The following TENM3 variants were observed in gnomAD, a reference collection of about 807,000 sequenced individuals.
The protein encoded by TENM3 is teneurin-3.
In TENM3, 63 loss-of-function variants were observed where a neutral mutation model predicts 255.1. The ratio of observed to expected loss-of-function variants is 0.25; its 90% confidence interval spans 0.20 to 0.30. The LOEUF (loss-of-function observed/expected upper bound fraction) is 0.30, where lower values mean the gene tolerates loss of function less well. TENM3 is among the 10% of genes least tolerant of loss of function. The probability of loss-of-function intolerance (pLI) is 1.00; values close to 1 mark genes in which losing one functional copy is unlikely to be tolerated. For synonymous variants in TENM3, 1,306 were observed against 1,322.3 expected, an observed-to-expected ratio of 0.99 and a Z score of 0.27; for missense variants, 2,929 against 3,461.1, an observed-to-expected ratio of 0.85 and a Z score of 3.86.
chr4:182,435,641 G>T (rs549557300), intron 3 of TENM3, among the ~76,000 whole-genome samples: 3 of 152,344 alleles, frequency 2.0e-5, no homozygotes, highest in Admixed American at 6.5e-5. Context: ...AGGCCCAGAA[G>T]GAGCAGCTGC....
At chr4:181,618,417 A>G in the TENM3 span, among the ~76,000 whole-genome samples, 4,787 of 152,326 alleles carry the variant, frequency 0.031, 251 homozygotes, top group African/African-American at 0.11. Context: ...AAGGCAGTCA[A>G]GGGTATTAGC....
At chr4:181,851,241 C>T in the TENM3 span, among the ~76,000 whole-genome samples, 1 of 152,220 alleles carries the variant, frequency 6.6e-6, no homozygotes, top group Admixed American at 6.5e-5. Flanking sequence ...GGCAAACCCA[C>T]CTACTTGCAG....
Position 182,363,078 on chromosome 4 carries a change from G to A in TENM3, c.511+16149G>A, listed in dbSNP as rs191509041. ...GACCATGTCATCAGAAGCTTTGGAG[G>A]AGCAGTACATTCTTATCCAAAATTG... On this transcript the variant is annotated intron_variant, in intron 3 of 27. Coordinates refer to ENST00000511685, the MANE Select transcript of TENM3 (RefSeq NM_001080477.4). Among the ~76,000 whole-genome samples, 1,145 of 152,206 alleles carry A rather than the reference G, an allele frequency of 7.5e-3. 5 individuals carry two copies. Among genetic ancestry groups the A allele is most frequent in the Non-Finnish European group, 0.013 (868 of 68,002 alleles).
intron 3 of TENM3, among the ~76,000 whole-genome samples, chr4:182,557,829 A>AAC (rs1156715403): frequency 1.3e-5 from 2 of 152,128 alleles, no homozygotes; most frequent in Non-Finnish European, 2.9e-5. Flanking sequence ...GTGCCTCAGA[A>AAC]ACACTTTTAC....
rs186422819 is a variant in TENM3 at position 182,777,407 on chromosome 4, C to T, written c.5304+2254C>T. On this transcript the variant is annotated intron_variant, in intron 24 of 27. Transcript: ENST00000511685. ...CTTCCCAAGAGAGGGGCTATGTGAACACATCCTTGCAAATGTTTGACTGCT... is the reference window on the plus strand; with the variant it reads ...CTTCCCAAGAGAGGGGCTATGTGAATACATCCTTGCAAATGTTTGACTGCT... Among the ~76,000 whole-genome samples the T allele has an allele frequency of 9.3e-4, 142 of 152,098 alleles. 1 individual carries two copies. The highest frequency in any genetic ancestry group is 3.2e-3 in the African/African-American group (133 of 41,484).
the TENM3 span, among the ~76,000 whole-genome samples, chr4:181,716,028 T>A: frequency 6.6e-6 from 1 of 152,214 alleles, no homozygotes; most frequent in South Asian, 2.1e-4. Flanking sequence ...TTTACATTTT[T>A]AAACTTGAAG....
the TENM3 span, among the ~76,000 whole-genome samples, chr4:181,798,917 G>T: frequency 1.3e-5 from 2 of 152,124 alleles, no homozygotes; most frequent in Admixed American, 6.5e-5. Flanking sequence ...TACCAGAAAA[G>T]GAAACCTTTC....
the TENM3 span, among the ~76,000 whole-genome samples, chr4:181,507,110 G>A: frequency 1.3e-5 from 2 of 152,110 alleles, no homozygotes; most frequent in East Asian, 1.9e-4. Flanking sequence ...ACCTGATCTC[G>A]TGGCATCTGG....
intron 1 of TENM3, among the ~76,000 whole-genome samples, chr4:182,164,539 C>G (rs6823038): frequency 0.27 from 41,364 of 152,098 alleles, 6,670 homozygotes; most frequent in Non-Finnish European, 0.37. Flanking sequence ...AACTCATTCT[C>G]CACACCTCAA....
intron 3 of TENM3, among the ~76,000 whole-genome samples, chr4:182,348,785 T>G (rs1261336192): frequency 6.7e-6 from 1 of 150,022 alleles, no homozygotes; most frequent in Non-Finnish European, 1.5e-5. Context: ...AACATATGTA[T>G]TTTTTTTTCT....
At chr4:181,785,610 G>T in the TENM3 span, among the ~76,000 whole-genome samples, 2 of 152,066 alleles carry the variant, frequency 1.3e-5, no homozygotes, top group Non-Finnish European at 2.9e-5. Context: ...AAGCTTAAAG[G>T]AAGTGGTCAC....
the TENM3 span, chr4:181,905,954 T>G: frequency 1.2e-5 from 7 of 567,854 alleles, no homozygotes; most frequent in Non-Finnish European, 2.3e-5. Context: ...GAACAGCAGC[T>G]TCTTCAGATC....
chr4:182,188,294 C>T (rs1040910335), intron 1 of TENM3, among the ~76,000 whole-genome samples: 1 of 152,106 alleles, frequency 6.6e-6, no homozygotes, highest in Admixed American at 6.6e-5. Flanking sequence ...CAATAGACCT[C>T]AGTTTCCATA....
chr4:181,957,123 A>G, the TENM3 span, among the ~76,000 whole-genome samples: 19 of 152,184 alleles, frequency 1.2e-4, no homozygotes, highest in Non-Finnish European at 2.1e-4. Flanking sequence ...ATGTCAATGC[A>G]CATGCTGCAT....
At chr4:182,190,419 C>T (rs187396880) in intron 1 of TENM3, 49 of 152,294 alleles carry the variant, frequency 3.2e-4, no homozygotes, top group African/African-American at 1.1e-3. Context: ...CGCTAACAGC[C>T]GGATACAAGT....
the TENM3 span, among the ~76,000 whole-genome samples, chr4:181,634,947 C>CT: frequency 3.9e-5 from 6 of 152,212 alleles, no homozygotes; most frequent in South Asian, 1.2e-3. Flanking sequence ...CATCTTCACC[C>CT]TTTTTTTCAT....
At chr4:182,156,011 ATTTTTTTTT>A (rs56399249) in intron 1 of TENM3, among the ~76,000 whole-genome samples, 5 of 118,562 alleles carry the variant, frequency 4.2e-5, no homozygotes, top group Non-Finnish European at 8.7e-5. Flanking sequence ...CTGTTTGAGG[ATTTTTTTTT>A]TTTTTTTTTT....
At chr4:182,251,762 C>G (rs959133539) in intron 1 of TENM3, among the ~76,000 whole-genome samples, 1 of 152,170 alleles carries the variant, frequency 6.6e-6, no homozygotes, top group Non-Finnish European at 1.5e-5. Context: ...TAAAGATGCT[C>G]TCTCCAACTT....
chr4:181,586,031 TA>T, the TENM3 span, among the ~76,000 whole-genome samples: 1 of 152,166 alleles, frequency 6.6e-6, no homozygotes, highest in African/African-American at 2.4e-5. Context: ...CATTAGAATG[TA>T]GGGTTCAGAG....
Sources: gnomAD v4.1 joint callset for allele counts (sites outside exome capture counted in the v4.1 genomes callset) on GRCh38, gnomAD v4.1.1 for gene constraint, MANE v1.5 for transcripts, NCBI Gene and HGNC (gene_info 2026-07-23, HGNC 2026-07-21) for gene names.